NF1: variants seen among roughly 807,000 people sequenced by gnomAD.
NF1 encodes the protein neurofibromin.
Under a neutral mutation model 325.7 loss-of-function variants are expected in NF1, and 122 were observed. The ratio of observed to expected loss-of-function variants is 0.37; its 90% CI spans 0.32 to 0.44. NF1 has a LOEUF of 0.44. NF1 is among the 20% of genes least tolerant of loss of function. The pLI, the probability that NF1 is intolerant of heterozygous loss-of-function variation, is 1.00. For synonymous variants in NF1, 1,091 were observed against 1,186.0 expected, an observed-to-expected ratio of 0.92 and a Z score of 1.65; for missense variants, 2,140 against 3,415.4, an observed-to-expected ratio of 0.63 and a Z score of 9.31.
At position 31,295,476 on chromosome 17, in the gene NF1, C is replaced by T. The variant is rs758335988; in HGVS notation, c.4835+30137C>T. 4 of 1,614,166 alleles carry T rather than the reference C, an allele frequency of 2.5e-6. No individual in the cohort carries two copies. The South Asian group carries it at 3.3e-5, about 13-fold the overall frequency. The stretch of plus-strand genomic sequence containing the variant: ...ACACTCAGAGAGTTAATGGTGTCCA[C>T]TGTCTGCATCCCACTTACAGTGAAT... On this transcript the variant is annotated intron_variant, in intron 36 of 57. Transcript: ENST00000358273.
At chr17:31,218,738 A>T (rs1245255081) in intron 13 of NF1, among the ~76,000 whole-genome samples, 1 of 151,240 alleles carries the variant, frequency 6.6e-6, no homozygotes, top group Non-Finnish European at 1.5e-5. Context: ...CGCCTGGCTA[A>T]TTTTTATATT....
intron 44 of NF1, 23 bp downstream of exon 44, chr17:31,337,903 G>A (rs1567617762): frequency 6.2e-7 from 1 of 1,608,238 alleles, no homozygotes; most frequent in African/African-American, 1.3e-5. Context: ...TTAAATATAA[G>A]TTGTAAAAAT....
chr17:31,155,611 T>G (rs1281281363), intron 1 of NF1, among the ~76,000 whole-genome samples: 1 of 152,214 alleles, frequency 6.6e-6, no homozygotes, highest in Non-Finnish European at 1.5e-5. Flanking sequence ...CTGAAATAAT[T>G]TTTAGCCACA....
chr17:31,135,493 G>A (rs1283393386), intron 1 of NF1, among the ~76,000 whole-genome samples: 2 of 152,010 alleles, frequency 1.3e-5, no homozygotes, highest in Non-Finnish European at 2.9e-5. Flanking sequence ...GGAGAGTTTA[G>A]TTCATTTACA....
intron 5 of NF1, among the ~76,000 whole-genome samples, 199 bp downstream of exon 5, chr17:31,170,196 A>G (rs1236614403): frequency 3.9e-5 from 6 of 152,216 alleles, no homozygotes. Flanking sequence ...GAAAATGAGC[A>G]TTTTAAATCT....
At chr17:31,149,275 T>C (rs1284646446) in intron 1 of NF1, among the ~76,000 whole-genome samples, 1 of 149,768 alleles carries the variant, frequency 6.7e-6, no homozygotes, top group Non-Finnish European at 1.5e-5. Flanking sequence ...CTTATATACA[T>C]GTACACACAC....
At position 31,343,148 on chromosome 17, in the gene NF1, T is replaced by C; in HGVS notation, c.7189+13T>C. On this transcript the variant is annotated intron_variant, in intron 48 of 57. Transcript: ENST00000358273. ...CACCTTTTAAAAGGTAAAAAAGCCT[T>C]ATTTAGAATATTTTTATGAAGTACT... The C allele has an allele frequency of 6.3e-7, 1 of 1,599,052 alleles. No homozygotes were observed. The highest frequency in any genetic ancestry group is 8.6e-7 in the Non-Finnish European group (1 of 1,166,750).
intron 5 of NF1, 75 bp from the exon 6 acceptor site, chr17:31,181,347 A>G (rs1279447976): frequency 2.2e-5 from 30 of 1,349,836 alleles, no homozygotes; most frequent in Non-Finnish European, 3.2e-5. Flanking sequence ...ACGTAAATGG[A>G]AAGTTATTTT....
intron 1 of NF1, among the ~76,000 whole-genome samples, chr17:31,114,094 A>G (rs1913677274): frequency 1.3e-5 from 2 of 152,236 alleles, no homozygotes; most frequent in Admixed American, 1.3e-4. Flanking sequence ...GAGGGAAGGA[A>G]TTGATTTATA....
intron 12 of NF1, among the ~76,000 whole-genome samples, chr17:31,210,199 C>T (rs1448910941): frequency 6.6e-6 from 1 of 152,134 alleles, no homozygotes; most frequent in Non-Finnish European, 1.5e-5. Flanking sequence ...GAATCCCTAA[C>T]GTTTGAACAA....
intron 36 of NF1, among the ~76,000 whole-genome samples, chr17:31,312,326 A>G (rs1362535245): frequency 1.3e-5 from 2 of 152,196 alleles, no homozygotes; most frequent in Middle Eastern, 3.4e-3. Context: ...CCTGACCAAC[A>G]TGGTGAAACC....
At chr17:31,338,323 A>C (rs1389245323) in intron 45 of NF1, among the ~76,000 whole-genome samples, 184 bp downstream of exon 45, 3 of 152,188 alleles carry the variant, frequency 2.0e-5, no homozygotes, top group African/African-American at 7.2e-5. Context: ...TCTCTAAAGA[A>C]GCTGTCTTTA....
chr17:31,177,036 G>T (rs2066036511), intron 5 of NF1, among the ~76,000 whole-genome samples: 1 of 152,178 alleles, frequency 6.6e-6, no homozygotes, highest in Non-Finnish European at 1.5e-5. Context: ...TTCTAATTCT[G>T]TGAAGAAAGT....
At position 31,336,270 on chromosome 17, in the gene NF1, T is replaced by A. The variant is rs913513124; in HGVS notation, c.6007-63T>A. The A allele has an allele frequency of 4.6e-5, 71 of 1,552,060 alleles. No homozygotes were observed. Among genetic ancestry groups the A allele is most frequent in the Non-Finnish European group, 5.6e-5 (64 of 1,134,018 alleles). ...TTGATTAGGCTGTTCCAATGAATAT[T>A]TTTTAATTAAAAATTAAATTGGTAG... On this transcript the variant is annotated intron_variant, in intron 40 of 57. Coordinates refer to ENST00000358273, the MANE Select transcript of NF1 (RefSeq NM_001042492.3). The surrounding 1 kb of genome is among the most constrained non-coding windows in gnomAD (Gnocchi z 5.5).
intron 57 of NF1, among the ~76,000 whole-genome samples, chr17:31,372,740 G>A (rs910603754): frequency 6.6e-6 from 1 of 152,244 alleles, no homozygotes; most frequent in African/African-American, 2.4e-5. Flanking sequence ...TTGGGGTGGG[G>A]TGCAGTGGCT....
intron 14 of NF1, 47 bp downstream of exon 14, chr17:31,219,165 A>G (rs17880660): frequency 3.8e-6 from 6 of 1,562,082 alleles, no homozygotes; most frequent in Non-Finnish European, 4.4e-6. Context: ...GATTGTAACT[A>G]TGTACATTCA....
rs545820966 is a variant in NF1, at chr17:31,167,055, C to T, written c.480-2836C>T. Among the ~76,000 whole-genome samples, 9 of 152,254 alleles carry T rather than the reference C, an allele frequency of 5.9e-5. No homozygotes were observed. In the South Asian group the frequency reaches 6.2e-4, roughly 11 times the overall value. On this transcript the variant is annotated intron_variant, in intron 4 of 57. Transcript: ENST00000358273. ...TACGCTTTATTTGATTTCTCTGCTT[C>T]GGAAATGATGTTTAACCTTCACAAA...
intron 4 of NF1, among the ~76,000 whole-genome samples, chr17:31,169,068 A>G (rs1007405933): frequency 6.6e-6 from 1 of 152,154 alleles, no homozygotes; most frequent in Non-Finnish European, 1.5e-5. Flanking sequence ...TTTTCTTTCA[A>G]TATTATAACA....
Position 31,115,170 on chromosome 17 carries a change from T to C in NF1, c.60+19801T>C, listed in dbSNP as rs186742738. Among the ~76,000 whole-genome samples the C allele has an allele frequency of 1.4e-4, 22 of 152,262 alleles. No individual in the cohort carries two copies. In the East Asian group the frequency reaches 3.9e-3, roughly 27 times the overall value. On this transcript the variant is annotated intron_variant, in intron 1 of 57. Transcript: ENST00000358273. Reference sequence around the variant, plus strand: ...GGCAATGCCTGGAGACATTTTTAATTGTTATGACTTTCGTGGGGGTGGGGG... The same window carrying C: ...GGCAATGCCTGGAGACATTTTTAATCGTTATGACTTTCGTGGGGGTGGGGG...
Sources: allele counts gnomAD v4.1 joint callset (sites outside exome capture counted in the v4.1 genomes callset), GRCh38; gene constraint gnomAD v4.1.1; non-coding constraint Gnocchi (gnomAD v3.1); transcripts MANE v1.5; gene names NCBI Gene and HGNC (gene_info 2026-07-23, HGNC 2026-07-21).